Variants in CRYBG3 observed in about 807,000 individuals in gnomAD.
The protein encoded by CRYBG3 is crystallin beta-gamma domain containing 3.
Under a neutral mutation model 244.2 loss-of-function variants are expected in CRYBG3, and 127 were observed. The ratio of observed to expected loss-of-function variants is 0.52; its 90% CI spans 0.45 to 0.60. CRYBG3 has a LOEUF of 0.60. Among genes scored for constraint, CRYBG3 ranks in the 20% least tolerant of loss-of-function variants. The pLI is 0.00. For missense variants in CRYBG3, 3,325 were observed against 3,442.5 expected (o/e 0.97, Z 0.85); for synonymous variants, 1,132 against 1,195.8 (o/e 0.95, Z 1.10).
intron 2 of CRYBG3, among the ~76,000 whole-genome samples, chr3:97,856,152 T>A (rs560845298): frequency 6.6e-6 from 1 of 152,238 alleles, no homozygotes; most frequent in South Asian, 2.1e-4. Flanking sequence ...TTACCAGGGA[T>A]GTTCCTTGCT....
chr3:97,829,392 G>A (rs530325888), intron 1 of CRYBG3, among the ~76,000 whole-genome samples: 4 of 152,054 alleles, frequency 2.6e-5, no homozygotes, highest in Non-Finnish European at 5.9e-5. Context: ...TCATTTTTAC[G>A]TGCTCACCTG....
chr3:97,924,998 T>C (rs1235484130), intron 17 of CRYBG3, among the ~76,000 whole-genome samples: 1 of 152,022 alleles, frequency 6.6e-6, no homozygotes, highest in Non-Finnish European at 1.5e-5. Context: ...GTGTACCGAA[T>C]ATAAGAAGAG....
Position 97,874,474 on chromosome 3 carries a change from C to T in CRYBG3, c.3280C>T (p.His1094Tyr), listed in dbSNP as rs986487042. The T allele has an allele frequency of 2.6e-6, 4 of 1,533,996 alleles. No individual in the cohort carries two copies. The highest frequency in any genetic ancestry group is 2.4e-5 in the East Asian group (1 of 40,928). ...DSIQVTKDLTHEGTSVTNLLY... is the reference protein window; with the variant it reads ...DSIQVTKDLTYEGTSVTNLLY... The stretch of plus-strand genomic sequence containing the variant: ...TATACAAGTTACCAAAGATCTCACA[C>T]ATGAAGGTACCTCTGTAACTAACCT... Residue 1094 changes from histidine to tyrosine, a missense_variant, in exon 4 of 22, where the codon CAT (histidine) becomes TAT (tyrosine). Transcript: ENST00000389622.
At chr3:97,900,659 G>A (rs1168308545) in intron 15 of CRYBG3, among the ~76,000 whole-genome samples, 174 bp downstream of exon 15, 2 of 152,180 alleles carry the variant, frequency 1.3e-5, no homozygotes, top group Admixed American at 1.3e-4. Context: ...GTCAGTGGTT[G>A]TATTAGACTG....
chr3:97,899,308 A>G, intron 14 of CRYBG3, 45 bp downstream of exon 14: 5 of 1,566,750 alleles, frequency 3.2e-6, no homozygotes, highest in East Asian at 4.5e-5. Context: ...ATGTAATAGT[A>G]TGCAATTAAA....
intron 1 of CRYBG3, among the ~76,000 whole-genome samples, chr3:97,836,447 T>G (rs1458768220): frequency 6.6e-6 from 1 of 152,138 alleles, no homozygotes; most frequent in Non-Finnish European, 1.5e-5. Flanking sequence ...ATGGACAGTT[T>G]TCCAGATGGT....
chr3:97,866,091 T>A (rs561240696), intron 3 of CRYBG3, among the ~76,000 whole-genome samples: 7 of 152,306 alleles, frequency 4.6e-5, no homozygotes, highest in African/African-American at 1.7e-4. Flanking sequence ...AAAACATTTA[T>A]TTTCATTATC....
rs375773518 is a variant in CRYBG3 at position 97,864,393 on chromosome 3, C to T, written c.393C>T (p.Ile131=). Residue 131 remains isoleucine, a synonymous_variant, in exon 3 of 22, where the codon ATC becomes ATT. Transcript: ENST00000389622. ...AGTTTCTTGGTAACTTATTCAATAT[C>T]TCGGGGAAATCATCTCTAGGTGAAG... The part of the protein sequence containing the change: ...FFQFLGNLFN[I]SGKSSLGEAK... The T allele has an allele frequency of 7.9e-5, 121 of 1,535,850 alleles. 6 individuals are homozygous for T. Among genetic ancestry groups the T allele is most frequent in the East Asian group, 6.1e-4 (25 of 40,888 alleles).
chr3:97,908,194 G>A (rs2039801287), intron 15 of CRYBG3, among the ~76,000 whole-genome samples: 2 of 152,176 alleles, frequency 1.3e-5, no homozygotes, highest in Admixed American at 6.5e-5. Context: ...GAATAGGTGT[G>A]TTGTGGTGCT....
chr3:97,828,722 A>AG, intron 1 of CRYBG3, among the ~76,000 whole-genome samples: 1 of 151,334 alleles, frequency 6.6e-6, no homozygotes, highest in Non-Finnish European at 1.5e-5. Flanking sequence ...CAGCTATTCC[A>AG]GAGGCTGAGG....
chr3:97,864,635 C>G lies in CRYBG3; in HGVS notation c.635C>G (p.Thr212Ser). 6.6e-7 allele frequency: 1 copy of G among 1,508,542 alleles called. No individual in the cohort carries two copies. The highest frequency in any genetic ancestry group is 8.8e-7 in the Non-Finnish European group (1 of 1,135,256). The allele number at this position is 1,508,542 out of a possible 1,614,324, so 93.4% of individuals were successfully genotyped here. ...ACACAAGACAGTGACCAAGAAACCA[C>G]TAATTTGCTAAAGTAAGTTTAAAAT... ...DTTQDSDQET[T>S]NLLKQIDGKP... is the part of the protein sequence containing the mutation. Residue 212 changes from threonine (T) to serine (S), a missense_variant, in exon 3 of 22, where the codon ACT (threonine) becomes AGT (serine). Thr to Ser is a moderately conservative substitution (Grantham distance 58). This residue lies in a region of CRYBG3 where 1,526 missense variants were observed against 1,443.2 expected (regional missense o/e 1.06). Coordinates refer to ENST00000389622, the MANE Select transcript of CRYBG3 (RefSeq NM_153605.4).
Position 97,874,016 on chromosome 3 carries a change from C to G in CRYBG3, c.2822C>G (p.Ser941Cys). ...SPPALLKSNI[S>C]WILPPIHDEK... The stretch of plus-strand genomic sequence containing the variant: ...CCTGCTCTTCTTAAAAGTAATATAT[C>G]TTGGATTTTACCACCTATTCATGAT... Residue 941 changes from serine (S) to cysteine (C), a missense_variant, in exon 4 of 22, where the codon TCT (serine) becomes TGT (cysteine). By Grantham distance (112) the Ser-to-Cys change is moderately radical. Coordinates refer to ENST00000389622, the MANE Select transcript of CRYBG3 (RefSeq NM_153605.4). 1 of 1,535,550 alleles carries G rather than the reference C, an allele frequency of 6.5e-7. No individual in the cohort carries two copies. Among genetic ancestry groups the G allele is most frequent in the African/African-American group, 1.4e-5 (1 of 73,144 alleles).
At position 97,928,400 on chromosome 3, in the gene CRYBG3, G is replaced by A. The variant is rs559708643; in HGVS notation, c.8242-5294G>A. ...AAGGGAACAATAAACACCAGGGCCTGCTTGAGCAGAGAGGGTGGGAGGAGA... is the reference window on the plus strand; with the variant it reads ...AAGGGAACAATAAACACCAGGGCCTACTTGAGCAGAGAGGGTGGGAGGAGA... On this transcript the variant is annotated intron_variant, in intron 17 of 21. Coordinates refer to ENST00000389622, the MANE Select transcript of CRYBG3 (RefSeq NM_153605.4). Among the ~76,000 whole-genome samples the A allele has an allele frequency of 2.6e-5, 4 of 152,042 alleles. No individual in the cohort carries two copies. In the South Asian group the frequency reaches 6.2e-4, roughly 24 times the overall value.
Position 97,822,354 on chromosome 3 carries a change from A to T in CRYBG3, c.148A>T (p.Ser50Cys). The T allele has an allele frequency of 6.7e-7, 1 of 1,499,794 alleles. No individual in the cohort carries two copies. Among genetic ancestry groups the T allele is most frequent in the Non-Finnish European group, 8.9e-7 (1 of 1,128,080 alleles). The allele number at this position is 1,499,794 out of a possible 1,614,324, so 92.9% of individuals were successfully genotyped here. Residue 50 changes from serine (S) to cysteine (C), a missense_variant and splice_region_variant, in exon 1 of 22, where the codon AGT becomes TGT. Ser to Cys is a moderately radical substitution (Grantham distance 112, BLOSUM62 -1). Transcript: ENST00000389622. Reference protein sequence around the residue: ...PPPAPGRSAASVENEPMSTSQ... With the variant: ...PPPAPGRSAACVENEPMSTSQ... ...TCCAGCTCCAGGCCGGTCCGCTGCC[A>T]GGTGGGAGTCGAGGAGGGGGTCGCG...
At position 97,877,201 on chromosome 3, in the gene CRYBG3, T is replaced by A. The variant is rs773584883; in HGVS notation, c.6007T>A (p.Tyr2003Asn). The A allele has an allele frequency of 5.6e-6, 9 of 1,613,752 alleles. No homozygotes were observed. Among genetic ancestry groups the A allele is most frequent in the African/African-American group, 4.0e-5 (3 of 74,920 alleles). ...AGAAAATTCTTCCTTTACTATATTA[T>A]ACGAAGAGCCCCTTCAAGAGGAGGA... ...EQENSSFTIL[Y>N]EEPLQEEDKY... Residue 2003 changes from tyrosine to asparagine, a missense_variant, in exon 4 of 22, where the codon TAC becomes AAC. Tyr to Asn is a moderately radical substitution (Grantham distance 143). This residue lies in a region of CRYBG3 where 450 missense variants were observed against 424.1 expected (regional missense o/e 1.06). Coordinates refer to ENST00000389622, the MANE Select transcript of CRYBG3 (RefSeq NM_153605.4).
At chr3:97,924,004 T>G (rs896495444) in intron 17 of CRYBG3, among the ~76,000 whole-genome samples, 4 of 152,062 alleles carry the variant, frequency 2.6e-5, no homozygotes, top group Non-Finnish European at 5.9e-5. Flanking sequence ...CCAAGATAAT[T>G]TTTAAGAACA....
chr3:97,888,560 G>A, intron 9 of CRYBG3, 105 bp downstream of exon 9: 3 of 754,258 alleles, frequency 4.0e-6, no homozygotes, highest in Non-Finnish European at 7.0e-6. Flanking sequence ...GTGAATATGT[G>A]TACTACTGAA....
In CRYBG3 at chr3:97,876,603, G is replaced by A. The variant is rs2039375643; in HGVS notation, c.5409G>A (p.Pro1803=). The part of the protein sequence containing the change: ...EEVIKNTEIV[P]CVLKVKEAHE... ...TCATTAAGAATACTGAAATAGTACC[G>A]TGTGTGTTAAAAGTGAAGGAAGCAC... The change falls in exon 4 of 22, where the codon CCG becomes CCA. Residue 1803 remains proline, a synonymous_variant. Coordinates refer to ENST00000389622, the MANE Select transcript of CRYBG3 (RefSeq NM_153605.4). 21 of 1,233,446 alleles carry A rather than the reference G, an allele frequency of 1.7e-5. No homozygotes were observed. The highest frequency in any genetic ancestry group is 2.0e-5 in the Non-Finnish European group (20 of 988,990). The allele number at this position is 1,233,446 out of a possible 1,614,324, so 76.4% of individuals were successfully genotyped here. A position where few individuals can be genotyped will look rare whatever the true frequency, so the allele number is the denominator to read the frequency against.
intron 17 of CRYBG3, among the ~76,000 whole-genome samples, chr3:97,923,021 A>C (rs909771245): frequency 1.3e-5 from 2 of 152,220 alleles, no homozygotes; most frequent in Non-Finnish European, 2.9e-5. Context: ...AAAAAGGATG[A>C]GTTCATGTCC....
Sources: gnomAD v4.1 joint callset for allele counts (sites outside exome capture counted in the v4.1 genomes callset) on GRCh38, gnomAD v4.1.1 for gene constraint, gnomAD v4.1.1 regional missense constraint, MANE v1.5 for transcripts, NCBI Gene and HGNC (gene_info 2026-07-23, HGNC 2026-07-21) for gene names.